The following PCDHA1 variants were observed in gnomAD, a reference collection of about 807,000 sequenced individuals.
The protein encoded by PCDHA1 is protocadherin alpha 1.
PCDHA1 carries 42 observed loss-of-function variants against 61.3 expected under a neutral mutation model. The ratio of observed to expected loss-of-function variants is 0.69; its 90% confidence interval spans 0.54 to 0.89. The LOEUF (loss-of-function observed/expected upper bound fraction) is 0.89. PCDHA1 is among the 40% of genes least tolerant of loss of function. PCDHA1 has a pLI of 0.00. For synonymous variants in PCDHA1, 610 were observed against 553.8 expected (o/e 1.10, Z -1.43); for missense variants, 1,256 against 1,235.3 (o/e 1.02, Z -0.25).
At chr5:140,833,462 C>G (rs1291648288) in intron 1 of PCDHA1, among the ~76,000 whole-genome samples, 2 of 152,102 alleles carry the variant, frequency 1.3e-5, no homozygotes, top group Non-Finnish European at 2.9e-5. Context: ...AATAAACTTA[C>G]ATTTTAAAAG....
At chr5:140,812,540 T>G (rs1456985298) in intron 1 of PCDHA1, 2 of 152,188 alleles carry the variant, frequency 1.3e-5, no homozygotes, top group Non-Finnish European at 2.9e-5. Flanking sequence ...CCTTTTTTTC[T>G]AGTTCCTTGA....
intron 1 of PCDHA1, chr5:140,927,650 TC>T (rs2084465821): frequency 6.2e-7 from 1 of 1,614,080 alleles, no homozygotes; most frequent in Admixed American, 1.7e-5. Flanking sequence ...ACTGTGTTAT[TC>T]CGAGTTCAAG....
intron 1 of PCDHA1, chr5:140,928,551 G>A (rs782615304): frequency 2.5e-6 from 4 of 1,614,044 alleles, no homozygotes; most frequent in Non-Finnish European, 2.5e-6. Context: ...ACAATTATCC[G>A]GTTATCTTGT....
chr5:140,918,833 G>A (rs2078883719), intron 1 of PCDHA1, among the ~76,000 whole-genome samples: 1 of 152,084 alleles, frequency 6.6e-6, no homozygotes, highest in African/African-American at 2.4e-5. Context: ...CCCCTCCCCA[G>A]ACACTAAATC....
intron 1 of PCDHA1, among the ~76,000 whole-genome samples, chr5:140,910,513 A>G (rs1293675976): frequency 2.0e-5 from 3 of 152,184 alleles, no homozygotes; most frequent in Non-Finnish European, 4.4e-5. Flanking sequence ...CTCTTCAAGG[A>G]TGCAGGTACT....
chr5:140,876,306 C>A (rs2056271023), intron 1 of PCDHA1: 1 of 1,613,986 alleles, frequency 6.2e-7, no homozygotes, highest in Non-Finnish European at 8.5e-7. Context: ...GAGAAATTTC[C>A]TATGGGATCA....
At chr5:140,916,613 A>T (rs2077649645) in intron 1 of PCDHA1, among the ~76,000 whole-genome samples, 1 of 151,990 alleles carries the variant, frequency 6.6e-6, no homozygotes, top group Non-Finnish European at 1.5e-5. Flanking sequence ...GGGCCTCATG[A>T]CTCTACTCAA....
chr5:140,925,647 A>AATAATAATC (rs1477954591), intron 1 of PCDHA1, among the ~76,000 whole-genome samples: 5 of 123,794 alleles, frequency 4.0e-5, no homozygotes, highest in Non-Finnish European at 7.0e-5. Flanking sequence ...AAAGTATAAT[A>AATAATAATC]ATAATAATAA....
intron 1 of PCDHA1, among the ~76,000 whole-genome samples, chr5:140,947,317 G>A (rs1456422381): frequency 2.0e-5 from 3 of 151,480 alleles, no homozygotes; most frequent in Non-Finnish European, 4.4e-5. Flanking sequence ...TAAAAAGTCG[G>A]TTGACCATAA....
At chr5:140,914,802 T>C (rs2076849351) in intron 1 of PCDHA1, among the ~76,000 whole-genome samples, 1 of 152,202 alleles carries the variant, frequency 6.6e-6, no homozygotes, top group African/African-American at 2.4e-5. Flanking sequence ...TTTAAACTGA[T>C]GGCAACTTAA....
intron 3 of PCDHA1, among the ~76,000 whole-genome samples, chr5:140,984,769 C>T (rs145432187): frequency 1.3e-5 from 2 of 152,194 alleles, no homozygotes; most frequent in African/African-American, 2.4e-5. Context: ...TAATCCCAAG[C>T]TTACTTGCTG....
chr5:140,858,680 A>G (rs2045557174), intron 1 of PCDHA1: 4 of 623,692 alleles, frequency 6.4e-6, no homozygotes, highest in Non-Finnish European at 1.1e-5. Flanking sequence ...TTCTGAATAC[A>G]CTAATATTTT....
At chr5:140,803,711 T>C in intron 1 of PCDHA1, 1 of 1,510,938 alleles carries the variant, frequency 6.6e-7, no homozygotes, top group African/African-American at 1.4e-5. Flanking sequence ...ATTAGACTTT[T>C]CCAGTTTTGT....
At chr5:140,864,105 T>C (rs1413292385) in intron 1 of PCDHA1, 1 of 152,314 alleles carries the variant, frequency 6.6e-6, no homozygotes, top group Non-Finnish European at 1.5e-5. Flanking sequence ...ATAATGATAA[T>C]AGTAATAATG....
intron 3 of PCDHA1, among the ~76,000 whole-genome samples, chr5:141,008,010 T>C (rs2098356270): frequency 6.6e-6 from 1 of 152,214 alleles, no homozygotes; most frequent in African/African-American, 2.4e-5. Context: ...TAAACTTCTG[T>C]TTCCTTTTTT....
chr5:140,879,687 CA>C (rs1343612878), intron 1 of PCDHA1, among the ~76,000 whole-genome samples: 1 of 152,156 alleles, frequency 6.6e-6, no homozygotes, highest in Non-Finnish European at 1.5e-5. Context: ...TGTAAAACAG[CA>C]AAAGTTTATT....
At chr5:140,797,389 G>T in intron 1 of PCDHA1, 1 of 1,585,462 alleles carries the variant, frequency 6.3e-7, no homozygotes, top group Non-Finnish European at 8.6e-7. Flanking sequence ...TTCTAAAATT[G>T]TTCTTTTTAA....
At chr5:140,962,438 G>A (rs1375451859) in intron 1 of PCDHA1, among the ~76,000 whole-genome samples, 3 of 152,108 alleles carry the variant, frequency 2.0e-5, no homozygotes, top group Non-Finnish European at 2.9e-5. Context: ...CTTATCCAAA[G>A]ATGGCTTGAA....
At chr5:140,802,964 C>T in intron 1 of PCDHA1, 1 of 1,613,934 alleles carries the variant, frequency 6.2e-7, no homozygotes, top group Non-Finnish European at 8.5e-7. Context: ...GTGCGGGCCA[C>T]GTGGTAGCGA....
Sources: gnomAD v4.1 joint callset for allele counts (sites outside exome capture counted in the v4.1 genomes callset) on GRCh38, gnomAD v4.1.1 for gene constraint, MANE v1.5 for transcripts, NCBI Gene and HGNC (gene_info 2026-07-23, HGNC 2026-07-21) for gene names.